CSMD1: variants seen among roughly 807,000 people sequenced by gnomAD.
The protein encoded by CSMD1 is CUB and Sushi multiple domains 1, also known as CUB and sushi domain-containing protein 1.
In CSMD1, 213 loss-of-function variants were observed where a neutral mutation model predicts 417.5. The ratio of observed to expected loss-of-function variants is 0.51; its 90% CI spans 0.46 to 0.57. The LOEUF (loss-of-function observed/expected upper bound fraction) is 0.57. Ranked by LOEUF, CSMD1 falls within the 20% of genes least tolerant of loss-of-function variation. The probability of loss-of-function intolerance (pLI) is 0.00; values close to 1 mark genes in which losing one functional copy is unlikely to be tolerated. For synonymous variants in CSMD1, 2,862 were observed against 1,736.8 expected (o/e 1.65, Z -16.11); for missense variants, 6,923 against 4,529.7 (o/e 1.53, Z -15.17).
At chr8:3,203,509 G>A (rs528007798) in intron 31 of CSMD1, among the ~76,000 whole-genome samples, 16 of 152,264 alleles carry the variant, frequency 1.1e-4, no homozygotes, top group African/African-American at 3.6e-4. Flanking sequence ...AAGGATTAGT[G>A]GAAGAATGGA....
intron 3 of CSMD1, among the ~76,000 whole-genome samples, chr8:4,048,851 C>T (rs530369255): frequency 1.1e-4 from 16 of 152,184 alleles, no homozygotes; most frequent in Non-Finnish European, 2.4e-4. Context: ...AGCCTGTGTT[C>T]AATACAGATA....
rs1393122698 is a variant in CSMD1, at chr8:3,091,519, C to A, written c.7282G>T (p.Ala2428Ser). The change falls in exon 48 of 70, where the codon GCA becomes TCA. Residue 2428 changes from alanine to serine, a missense_variant. Ala to Ser is a moderately conservative substitution (Grantham distance 99). Coordinates refer to ENST00000635120, the MANE Select transcript of CSMD1 (RefSeq NM_033225.6). The part of the protein sequence containing the change: ...TSKKGFKIRY[A>S]APYCSLTHPL... Reference sequence around the variant, plus strand: ...AATCTAAACCTCATTTACTTACCTGCATAGCGAATCTTGAATCCTTTCTTA... The same window carrying A: ...AATCTAAACCTCATTTACTTACCTGAATAGCGAATCTTGAATCCTTTCTTA... 1 of 1,601,514 alleles carries A rather than the reference C, an allele frequency of 6.2e-7. No homozygotes were observed.
chr8:3,777,970 T>C (rs1196320166), intron 5 of CSMD1, among the ~76,000 whole-genome samples: 2 of 152,138 alleles, frequency 1.3e-5, no homozygotes, highest in Non-Finnish European at 1.5e-5. Context: ...TGCAGCCTCC[T>C]TGAAGTGCAG....
At position 4,553,806 on chromosome 8, in the gene CSMD1, G is replaced by A. The variant is rs532161755; in HGVS notation, c.302+83536C>T. Among the ~76,000 whole-genome samples, 20 of 152,268 alleles carry A rather than the reference G, an allele frequency of 1.3e-4. No individual in the cohort carries two copies. In the South Asian group the frequency reaches 4.1e-3, roughly 32 times the overall value. ...TATGTCTGCCATGAAAAGACTTCTG[G>A]ATCATCTATTTACAAGGGACATGAT... is the stretch of plus-strand genomic sequence containing the variant. On this transcript the variant is annotated intron_variant, in intron 2 of 69. Coordinates refer to ENST00000635120, the MANE Select transcript of CSMD1 (RefSeq NM_033225.6).
intron 1 of CSMD1, among the ~76,000 whole-genome samples, chr8:4,966,801 C>G (rs996214493): frequency 2.6e-5 from 4 of 152,034 alleles, no homozygotes; most frequent in Non-Finnish European, 4.4e-5. Flanking sequence ...TGTAAAAATC[C>G]AAAGAATTTA....
At chr8:3,739,513 A>C (rs541585069) in intron 6 of CSMD1, among the ~76,000 whole-genome samples, 4 of 152,328 alleles carry the variant, frequency 2.6e-5, no homozygotes, top group African/African-American at 9.6e-5. Flanking sequence ...TCTGTATTCC[A>C]CAAATATGTA....
At position 3,431,040 on chromosome 8, in the gene CSMD1, G is replaced by A. The variant is rs891129023; in HGVS notation, c.1562-21435C>T. On this transcript the variant is annotated intron_variant, in intron 12 of 69. Coordinates refer to ENST00000635120, the MANE Select transcript of CSMD1 (RefSeq NM_033225.6). ...GTTCCTTAGCAAGATCAGGAACCCT[G>A]CTAGTAATGGATTCTGGGAAATGCA... Among the ~76,000 whole-genome samples, 5 of 152,112 alleles carry A rather than the reference G, an allele frequency of 3.3e-5. 1 individual carries two copies. The highest frequency in any genetic ancestry group is 3.3e-4 in the Admixed American group (5 of 15,260).
chr8:4,630,595 G>T (rs977636444), intron 2 of CSMD1, among the ~76,000 whole-genome samples: 2 of 152,152 alleles, frequency 1.3e-5, no homozygotes, highest in Non-Finnish European at 2.9e-5. Context: ...ATACATTGAG[G>T]AAAATTACAT....
At chr8:4,752,207 C>G (rs969385847) in intron 1 of CSMD1, among the ~76,000 whole-genome samples, 1 of 152,086 alleles carries the variant, frequency 6.6e-6, no homozygotes, top group Non-Finnish European at 1.5e-5. Flanking sequence ...TCATCATAAA[C>G]AGTACTATCA....
At chr8:3,858,697 C>A (rs894015959) in intron 5 of CSMD1, among the ~76,000 whole-genome samples, 9 of 151,728 alleles carry the variant, frequency 5.9e-5, no homozygotes, top group African/African-American at 2.2e-4. Context: ...GTTCGTAATA[C>A]CCCAAATAAA....
intron 2 of CSMD1, among the ~76,000 whole-genome samples, chr8:4,446,483 G>A (rs1469846732): frequency 3.3e-5 from 5 of 152,158 alleles, no homozygotes; most frequent in African/African-American, 7.2e-5. Flanking sequence ...GGAGACTGAG[G>A]CTGCAGGGAT....
At chr8:3,101,051 T>C (rs1278554568) in intron 46 of CSMD1, among the ~76,000 whole-genome samples, 2 of 52,288 alleles carry the variant, frequency 3.8e-5, no homozygotes, top group East Asian at 5.6e-4. Flanking sequence ...TGAATACGTA[T>C]GGTGTTTTTT....
At chr8:4,666,695 A>C (rs534363107) in intron 1 of CSMD1, among the ~76,000 whole-genome samples, 1 of 152,212 alleles carries the variant, frequency 6.6e-6, no homozygotes, top group Non-Finnish European at 1.5e-5. Context: ...AATATTTTTT[A>C]TTTTAAAATG....
chr8:3,840,904 A>C (rs1318677922), intron 5 of CSMD1, among the ~76,000 whole-genome samples: 2 of 151,884 alleles, frequency 1.3e-5, no homozygotes, highest in Non-Finnish European at 2.9e-5. Context: ...ACGAGGTTTC[A>C]CCATATCGGT....
At chr8:3,232,354 T>G (rs1485008668) in intron 26 of CSMD1, among the ~76,000 whole-genome samples, 12 of 152,232 alleles carry the variant, frequency 7.9e-5, no homozygotes, top group Admixed American at 7.9e-4. Context: ...TCTGTGACTC[T>G]CTGTCTCTCT....
intron 3 of CSMD1, among the ~76,000 whole-genome samples, chr8:4,380,105 A>G (rs370599703): frequency 6.6e-4 from 101 of 152,346 alleles, no homozygotes; most frequent in African/African-American, 2.4e-3. Flanking sequence ...GAGAAAAATA[A>G]AACAAATTCC....
At chr8:3,805,538 T>C (rs78436576) in intron 5 of CSMD1, among the ~76,000 whole-genome samples, 4,544 of 152,234 alleles carry the variant, frequency 0.03, 170 homozygotes, top group African/African-American at 0.083. Context: ...TCATCTGCAG[T>C]GGAAAAGATT....
At chr8:4,124,455 G>A (rs143486644) in intron 3 of CSMD1, among the ~76,000 whole-genome samples, 1 of 152,260 alleles carries the variant, frequency 6.6e-6, no homozygotes, top group East Asian at 1.9e-4. Flanking sequence ...CGAAGCTGCA[G>A]ATGGCCACTG....
intron 50 of CSMD1, among the ~76,000 whole-genome samples, chr8:3,040,573 G>T (rs562466395): frequency 6.6e-6 from 1 of 151,952 alleles, no homozygotes; most frequent in Non-Finnish European, 1.5e-5. Context: ...GGGAGGACGA[G>T]GCAGGTGGAT....
Sources: gnomAD v4.1 joint callset for allele counts (sites outside exome capture counted in the v4.1 genomes callset) on GRCh38, gnomAD v4.1.1 for gene constraint, MANE v1.5 for transcripts, NCBI Gene and HGNC (gene_info 2026-07-23, HGNC 2026-07-21) for gene names.